TOLLIP: variants seen among roughly 807,000 people sequenced by gnomAD.
TOLLIP encodes the protein toll interacting protein, also known as toll-interacting protein.
In TOLLIP, 16 loss-of-function variants were observed where a neutral mutation model predicts 33.5. The ratio of observed to expected loss-of-function variants is 0.48; its 90% CI spans 0.32 to 0.72. The LOEUF (loss-of-function observed/expected upper bound fraction) is 0.72. Among genes scored for constraint, TOLLIP ranks in the 30% least tolerant of loss-of-function variants. The pLI, the probability that TOLLIP is intolerant of heterozygous loss-of-function variation, is 0.03. For missense variants in TOLLIP, 325 were observed against 396.6 expected (o/e 0.82, Z 1.53); for synonymous variants, 176 against 163.7 (o/e 1.07, Z -0.57).
At chr11:1,282,971 T>C (rs1221562343) in intron 5 of TOLLIP, among the ~76,000 whole-genome samples, 3 of 152,256 alleles carry the variant, frequency 2.0e-5, no homozygotes, top group African/African-American at 7.2e-5. Context: ...AATAGGAAAT[T>C]GTAAATCCAC....
intron 5 of TOLLIP, among the ~76,000 whole-genome samples, chr11:1,285,667 CA>C (rs1325933193): frequency 1.3e-5 from 2 of 151,794 alleles, no homozygotes; most frequent in Admixed American, 6.6e-5. Flanking sequence ...TGTCACCTGA[CA>C]GGGGCGTGAG....
intron 1 of TOLLIP, among the ~76,000 whole-genome samples, chr11:1,297,117 G>A (rs191673686): frequency 2.6e-5 from 4 of 152,238 alleles, no homozygotes; most frequent in Admixed American, 6.5e-5. Context: ...AGGAAATACC[G>A]AGTGGAACCT....
chr11:1,299,045 G>A (rs565536966), intron 1 of TOLLIP, among the ~76,000 whole-genome samples: 1 of 152,378 alleles, frequency 6.6e-6, no homozygotes, highest in Admixed American at 6.5e-5. Flanking sequence ...GGAGCCAACA[G>A]TCATGCCCCC....
At position 1,290,563 on chromosome 11, in the gene TOLLIP, C is replaced by T. The variant is rs1863901659; in HGVS notation, c.184-154G>A. Among the ~76,000 whole-genome samples, 1 of 152,198 alleles carries T rather than the reference C, an allele frequency of 6.6e-6. No homozygotes were observed. Among genetic ancestry groups the T allele is most frequent in the Non-Finnish European group, 1.5e-5 (1 of 68,046 alleles). On this transcript the variant is annotated intron_variant, in intron 2 of 5. Coordinates refer to ENST00000317204, the MANE Select transcript of TOLLIP (RefSeq NM_019009.4). This position sits in a 1 kb window ranked among gnomAD's most constrained non-coding sequence, Gnocchi z 4.9. Reference sequence around the variant, plus strand: ...GTCGCCTGAACACGGCTGTGACCTGCTTCCCAGGAGGCCAGGAGCAAGAAG... The same window carrying T: ...GTCGCCTGAACACGGCTGTGACCTGTTTCCCAGGAGGCCAGGAGCAAGAAG...
intron 3 of TOLLIP, among the ~76,000 whole-genome samples, chr11:1,289,389 G>A (rs1863857625): frequency 6.6e-6 from 1 of 152,196 alleles, no homozygotes; most frequent in Non-Finnish European, 1.5e-5. Flanking sequence ...AATGCCACAG[G>A]TGCGAGGTGC....
At chr11:1,292,355 TA>T (rs1264686254) in intron 2 of TOLLIP, among the ~76,000 whole-genome samples, 2 of 152,236 alleles carry the variant, frequency 1.3e-5, no homozygotes, top group African/African-American at 4.8e-5. Flanking sequence ...TTTTTATTAA[TA>T]ACTTTAAAGG....
chr11:1,306,853 C>T (rs765673572), intron 1 of TOLLIP, among the ~76,000 whole-genome samples: 1 of 152,104 alleles, frequency 6.6e-6, no homozygotes, highest in Non-Finnish European at 1.5e-5. Context: ...CACCTCCAGA[C>T]CCCACACCTC....
intron 2 of TOLLIP, among the ~76,000 whole-genome samples, chr11:1,293,934 C>G (rs1864028527): frequency 6.6e-6 from 1 of 152,260 alleles, no homozygotes; most frequent in South Asian, 2.1e-4. Flanking sequence ...GGGTCTGAGA[C>G]ACGCCGCGAG....
rs368907142 is a variant in TOLLIP at position 1,280,405 on chromosome 11, C to T, written c.611-3152G>A. On this transcript the variant is annotated intron_variant, in intron 5 of 5. Transcript: ENST00000317204. ...GTGTTTTGCTTTCATACTTTGTGGA[C>T]GGGCATTCATGTCCTGGTCTGGTTG... Among the ~76,000 whole-genome samples the T allele has an allele frequency of 4.8e-4, 73 of 152,218 alleles. 1 individual carries two copies. The East Asian group carries it at 0.011, about 24-fold the overall frequency.
intron 1 of TOLLIP, among the ~76,000 whole-genome samples, chr11:1,299,755 C>A (rs1366005727): frequency 1.3e-5 from 2 of 152,258 alleles, no homozygotes; most frequent in Non-Finnish European, 2.9e-5. Context: ...AGGAGCCAGT[C>A]CCCTGTCAAT....
intron 1 of TOLLIP, among the ~76,000 whole-genome samples, chr11:1,308,606 T>C (rs1208433119): frequency 1.3e-5 from 2 of 152,252 alleles, no homozygotes; most frequent in Admixed American, 1.3e-4. Flanking sequence ...ATATTAATGC[T>C]ATAGAAGAAA....
chr11:1,284,323 G>A (rs562680118), intron 5 of TOLLIP, among the ~76,000 whole-genome samples: 11 of 151,270 alleles, frequency 7.3e-5, no homozygotes, highest in Non-Finnish European at 1.3e-4. Context: ...GTGACGGGGT[G>A]CAGGTGCTAC....
chr11:1,292,318 C>CTGT (rs1863977507), intron 2 of TOLLIP: 1 of 152,236 alleles, frequency 6.6e-6, no homozygotes, highest in Non-Finnish European at 1.5e-5. Context: ...GGTAACTGTG[C>CTGT]TGTCTCTGCC....
At chr11:1,302,801 T>C in intron 1 of TOLLIP, 1 of 985,524 alleles carries the variant, frequency 1.0e-6, no homozygotes, top group South Asian at 4.7e-5. Context: ...GGACGGGCAG[T>C]GGTGACTTTG....
At chr11:1,299,680 AT>A (rs1172384885) in intron 1 of TOLLIP, among the ~76,000 whole-genome samples, 1 of 152,236 alleles carries the variant, frequency 6.6e-6, no homozygotes, top group Non-Finnish European at 1.5e-5. Context: ...CATGTACAAG[AT>A]GCACATACTG....
chr11:1,305,573 A>C (rs1326845090), intron 1 of TOLLIP, among the ~76,000 whole-genome samples: 2 of 152,254 alleles, frequency 1.3e-5, no homozygotes, highest in African/African-American at 4.8e-5. Context: ...TAATCTTTAC[A>C]AACAATCCCA....
At chr11:1,306,186 T>C (rs1462700084) in intron 1 of TOLLIP, 1 of 152,216 alleles carries the variant, frequency 6.6e-6, no homozygotes, top group African/African-American at 2.4e-5. Flanking sequence ...CCTTAGTGGC[T>C]ATTCAGGGAA....
In TOLLIP at chr11:1,309,468, G is replaced by T; in HGVS notation, c.31C>A (p.Pro11Thr). 1 of 1,331,236 alleles carries T rather than the reference G, an allele frequency of 7.5e-7. No individual in the cohort carries two copies. Among genetic ancestry groups the T allele is most frequent in the Non-Finnish European group, 9.7e-7 (1 of 1,035,094 alleles). 82.5% of individuals were successfully genotyped at this position (1,331,236 alleles called of 1,614,324 possible). A position where few individuals can be genotyped will look rare whatever the true frequency, so the allele number is the denominator to read the frequency against. The stretch of plus-strand genomic sequence containing the variant: ...CGACCCTCGCCCGGCTGCCTCACCG[G>T]CCCGCGCTGAGTGCTGACGGTGGTC... MATTVSTQRGPVYIGELPQDF... is the reference protein window; with the variant it reads MATTVSTQRGTVYIGELPQDF... Residue 11 changes from proline (P) to threonine (T), a missense_variant and splice_region_variant, in exon 1 of 6, where the codon CCG becomes ACG. By Grantham distance (38) the Pro-to-Thr change is conservative (BLOSUM62 -1). Coordinates refer to ENST00000317204, the MANE Select transcript of TOLLIP (RefSeq NM_019009.4).
chr11:1,290,104 A>C lies in TOLLIP; in HGVS notation c.366+123T>G. 1 of 913,944 alleles carries C rather than the reference A, an allele frequency of 1.1e-6. No individual in the cohort carries two copies. The allele number at this position is 913,944 out of a possible 1,614,324, so 56.6% of individuals were successfully genotyped here. On this transcript the variant is annotated intron_variant, in intron 3 of 5. Transcript: ENST00000317204. The surrounding 1 kb of genome is among the most constrained non-coding windows in gnomAD (Gnocchi z 4.9). The stretch of plus-strand genomic sequence containing the variant: ...AGGACCCTGTCATGCACCCAATGAA[A>C]CACCAGGTGGGGAGCCACGCCTCGA...
Sources: allele counts gnomAD v4.1 joint callset (sites outside exome capture counted in the v4.1 genomes callset), GRCh38; gene constraint gnomAD v4.1.1; non-coding constraint Gnocchi (gnomAD v3.1); transcripts MANE v1.5; gene names NCBI Gene and HGNC (gene_info 2026-07-23, HGNC 2026-07-21).